CDH4: variants seen among roughly 807,000 people sequenced by gnomAD.
The protein encoded by CDH4 is cadherin 4.
In CDH4, 33 loss-of-function variants were observed where a neutral mutation model predicts 86.0. That is an observed-to-expected ratio of 0.38 (90% CI 0.29 to 0.51). CDH4 has a LOEUF of 0.51. Among genes scored for constraint, CDH4 ranks in the 20% least tolerant of loss-of-function variants. The probability of loss-of-function intolerance (pLI) is 0.86; values close to 1 mark genes in which losing one functional copy is unlikely to be tolerated. For synonymous variants in CDH4, 555 were observed against 549.4 expected (o/e 1.01, Z -0.14); for missense variants, 1,114 against 1,307.4 (o/e 0.85, Z 2.28).
chr20:61,522,901 G>C (rs1279486401), intron 2 of CDH4, among the ~76,000 whole-genome samples: 4 of 152,248 alleles, frequency 2.6e-5, no homozygotes, highest in East Asian at 1.9e-4. Context: ...GTGTTCTGCT[G>C]TACACAGAGT....
Position 61,659,752 on chromosome 20 carries a change from T to G in CDH4, c.170-83811T>G, listed in dbSNP as rs534913492. ...AGGAGGAGGGTGGGCCTCAGCCATC[T>G]GAGGCTTGGAGGCAGGAGGAGGGGT... is the stretch of plus-strand genomic sequence containing the variant. On this transcript the variant is annotated intron_variant, in intron 2 of 15. Transcript: ENST00000614565. Among the ~76,000 whole-genome samples, 7 of 151,128 alleles carry G rather than the reference T, an allele frequency of 4.6e-5. 1 individual carries two copies. The highest frequency in any genetic ancestry group is 1.0e-4 in the Non-Finnish European group (7 of 67,822).
At chr20:61,354,547 A>G (rs958540233) in intron 2 of CDH4, among the ~76,000 whole-genome samples, 3 of 152,138 alleles carry the variant, frequency 2.0e-5, no homozygotes, top group African/African-American at 7.2e-5. Context: ...TTGAGGGGAG[A>G]GAGAAGAGAC....
intron 2 of CDH4, among the ~76,000 whole-genome samples, chr20:61,731,779 A>C (rs870643): frequency 6.6e-6 from 1 of 152,004 alleles, no homozygotes; most frequent in African/African-American, 2.4e-5. Flanking sequence ...AAACTGTTGC[A>C]GGTGTCCTGG....
intron 2 of CDH4, among the ~76,000 whole-genome samples, chr20:61,326,180 T>A (rs1225175821): frequency 1.3e-5 from 2 of 152,196 alleles, no homozygotes; most frequent in Non-Finnish European, 2.9e-5. Context: ...GGGATGGATA[T>A]GCCACCGTTT....
chr20:61,744,681 C>T (rs1008072957), intron 3 of CDH4, among the ~76,000 whole-genome samples: 1 of 152,152 alleles, frequency 6.6e-6, no homozygotes, highest in Non-Finnish European at 1.5e-5. Context: ...CCTTCTAACC[C>T]GGCTGCCTGG....
In CDH4 at chr20:61,928,266, G is replaced by A. The variant is rs2122991241; in HGVS notation, c.1848G>A (p.Leu616=). The A allele has an allele frequency of 1.2e-6, 2 of 1,609,080 alleles. No homozygotes were observed. The highest frequency in any genetic ancestry group is 1.7e-6 in the Non-Finnish European group (2 of 1,180,004). ...IDINDNAPEL[L]PKEAQICEKP... Reference sequence around the variant, plus strand: ...TCAACGACAACGCCCCTGAGCTGCTGCCCAAGGAGGCGCAGATCTGCGAGA... The same window carrying A: ...TCAACGACAACGCCCCTGAGCTGCTACCCAAGGAGGCGCAGATCTGCGAGA... The change falls in exon 12 of 16, where the codon CTG becomes CTA. Residue 616 remains leucine (L), a synonymous_variant. Coordinates refer to ENST00000614565, the MANE Select transcript of CDH4 (RefSeq NM_001794.5).
At position 61,840,666 on chromosome 20, in the gene CDH4, A is replaced by G. The variant is rs1600702663; in HGVS notation, c.577-4002A>G. On this transcript the variant is annotated intron_variant, in intron 4 of 15. Transcript: ENST00000614565. ...CTGGAGGCGCCTGTCTGTGCTCCCT[A>G]TTCACGGCCCATCGTGGGCTTCTGC... 2.0e-5 allele frequency among the ~76,000 whole-genome samples: 3 copies of G among 152,360 alleles called. No homozygotes were observed. In the South Asian group the frequency reaches 6.2e-4, roughly 32 times the overall value.
intron 2 of CDH4, among the ~76,000 whole-genome samples, chr20:61,288,673 A>G (rs2084305638): frequency 6.6e-6 from 1 of 152,242 alleles, no homozygotes; most frequent in African/African-American, 2.4e-5. Context: ...TACCGTCAGA[A>G]GCACAACTTT....
chr20:61,333,861 G>A (rs1190408164), intron 2 of CDH4, among the ~76,000 whole-genome samples: 5 of 152,266 alleles, frequency 3.3e-5, no homozygotes, highest in African/African-American at 9.6e-5. Context: ...TGGCACATCT[G>A]TGTCCTGCCA....
chr20:61,377,376 G>A lies in CDH4; in HGVS notation c.169+122439G>A, dbSNP rs1158871987. On this transcript the variant is annotated intron_variant, in intron 2 of 15. Transcript: ENST00000614565. This position sits in a 1 kb window ranked among gnomAD's most constrained non-coding sequence, Gnocchi z 4.0. The stretch of plus-strand genomic sequence containing the variant: ...TAAGTGCCCATCGGACGGTTGAGTT[G>A]TGTGGTCCAGGGCTCTGCCGGCCCC... 6.6e-6 allele frequency among the ~76,000 whole-genome samples: 1 copy of A among 152,118 alleles called. No homozygotes were observed. Among genetic ancestry groups the A allele is most frequent in the African/African-American group, 2.4e-5 (1 of 41,422 alleles).
intron 2 of CDH4, among the ~76,000 whole-genome samples, chr20:61,585,781 TTGTGA>T (rs143203705): frequency 6.5e-5 from 2 of 30,556 alleles, no homozygotes; most frequent in African/African-American, 1.8e-4. Context: ...GTGATGGTGA[TTGTGA>T]TGGTGATGGT....
At chr20:61,925,876 AAG>A (rs560431777) in intron 11 of CDH4, among the ~76,000 whole-genome samples, 4 of 152,158 alleles carry the variant, frequency 2.6e-5, no homozygotes, top group African/African-American at 9.6e-5. Flanking sequence ...GTCTGCTACT[AAG>A]GACTTTCAGA....
At chr20:61,585,629 CGGTGAT>C (rs1336391664) in intron 2 of CDH4, among the ~76,000 whole-genome samples, 1 of 151,978 alleles carries the variant, frequency 6.6e-6, no homozygotes, top group Non-Finnish European at 1.5e-5. Context: ...ATGGTCATGA[CGGTGAT>C]GGTGATGATG....
At chr20:61,707,482 G>A (rs73915364) in intron 2 of CDH4, among the ~76,000 whole-genome samples, 1,666 of 152,316 alleles carry the variant, frequency 0.011, 34 homozygotes, top group African/African-American at 0.037. Flanking sequence ...GTGAACGCGG[G>A]ATGTGGACAC....
chr20:61,632,211 A>G (rs2086895705), intron 2 of CDH4, among the ~76,000 whole-genome samples: 2 of 152,222 alleles, frequency 1.3e-5, no homozygotes, highest in Non-Finnish European at 2.9e-5. Flanking sequence ...CGCAGGGCAC[A>G]TGCATTCAGT....
rs549058572 is a variant in CDH4, at chr20:61,804,092, G to A, written c.576+30910G>A. Among the ~76,000 whole-genome samples the A allele has an allele frequency of 3.3e-5, 5 of 152,378 alleles. No homozygotes were observed. In the South Asian group the frequency reaches 6.2e-4, roughly 19 times the overall value. ...GAGCTTGTTGTTGGTAAGGAGGCACGACAGAAAACGTGTCAAGCTGGGACC... is the reference window on the plus strand; with the variant it reads ...GAGCTTGTTGTTGGTAAGGAGGCACAACAGAAAACGTGTCAAGCTGGGACC... On this transcript the variant is annotated intron_variant, in intron 4 of 15. Transcript: ENST00000614565.
chr20:61,343,031 C>T (rs969406672), intron 2 of CDH4, among the ~76,000 whole-genome samples: 5 of 152,200 alleles, frequency 3.3e-5, no homozygotes, highest in Non-Finnish European at 7.3e-5. Context: ...GACTTTTCCC[C>T]TGACCCTCAC....
chr20:61,767,973 C>T (rs749825887), intron 3 of CDH4, among the ~76,000 whole-genome samples: 27 of 152,192 alleles, frequency 1.8e-4, no homozygotes, highest in African/African-American at 6.3e-4. Context: ...TGGATGGAGG[C>T]GACAGTGGGC....
chr20:61,571,723 C>T, intron 2 of CDH4, among the ~76,000 whole-genome samples: 1 of 151,914 alleles, frequency 6.6e-6, no homozygotes, highest in East Asian at 1.9e-4. Context: ...GCCTCTCCTC[C>T]TCCCTCTCCC....
Sources: gnomAD v4.1 joint callset for allele counts (sites outside exome capture counted in the v4.1 genomes callset) on GRCh38, gnomAD v4.1.1 for gene constraint, Gnocchi (gnomAD v3.1) non-coding constraint, MANE v1.5 for transcripts, NCBI Gene and HGNC (gene_info 2026-07-23, HGNC 2026-07-21) for gene names.